The following SLC30A8 variants were observed in gnomAD, a reference collection of about 807,000 sequenced individuals.
The protein encoded by SLC30A8 is solute carrier family 30 member 8.
SLC30A8 carries 27 observed loss-of-function variants against 36.9 expected under a neutral mutation model. The observed-to-expected ratio is 0.73, with a 90% CI of 0.54 to 1.01. The LOEUF is 1.01. Ranked by LOEUF, SLC30A8 falls within the 50% of genes least tolerant of loss-of-function variation. The pLI, the probability that SLC30A8 is intolerant of heterozygous loss-of-function variation, is 0.00. For missense variants in SLC30A8, 439 were observed against 452.0 expected (o/e 0.97, Z 0.26); for synonymous variants, 164 against 172.4 (o/e 0.95, Z 0.38).
upstream of SLC30A8, among the ~76,000 whole-genome samples, chr8:117,133,877 C>T (rs116460128): frequency 0.013 from 1,995 of 152,016 alleles, 43 homozygotes; most frequent in African/African-American, 0.045. Context: ...AAGGCTCCCC[C>T]AGAGCCTCTT....
chr8:116,958,609 G>C (rs1230039959), intron 1 of SLC30A8, among the ~76,000 whole-genome samples: 1 of 151,592 alleles, frequency 6.6e-6, no homozygotes, highest in East Asian at 1.9e-4. Context: ...TTTTATTACT[G>C]GTCTTTAGCA....
upstream of SLC30A8, among the ~76,000 whole-genome samples, chr8:117,132,952 T>A (rs1356545987): frequency 6.6e-6 from 1 of 152,042 alleles, no homozygotes; most frequent in African/African-American, 2.4e-5. Flanking sequence ...CTGGAAGCTT[T>A]GCTTTATGGT....
At chr8:116,977,562 A>T (rs1340333836) in intron 1 of SLC30A8, among the ~76,000 whole-genome samples, 1 of 137,922 alleles carries the variant, frequency 7.3e-6, no homozygotes, top group African/African-American at 2.8e-5. Flanking sequence ...CCCAGGCTGG[A>T]GTGCAGTGGT....
Position 117,163,457 on chromosome 8 carries a change from A to G in SLC30A8, c.756A>G (p.Thr252=), listed in dbSNP as rs756597201. The part of the protein sequence containing the change: ...PEYKIADPIC[T]FIFSILVLAS... ...ATAAAATAGCCGACCCAATCTGCAC[A>G]TTCATCTTTTCCATCCTGGTCTTGG... is the stretch of plus-strand genomic sequence containing the variant. Residue 252 remains threonine (T), a synonymous_variant, in exon 6 of 8, where the codon ACA becomes ACG. Coordinates refer to ENST00000456015, the MANE Select transcript of SLC30A8 (RefSeq NM_173851.3). The G allele has an allele frequency of 1.9e-6, 3 of 1,613,592 alleles. No individual in the cohort carries two copies. The highest frequency in any genetic ancestry group is 2.2e-5 in the East Asian group (1 of 44,816).
rs941575868 is a variant in SLC30A8 at position 117,135,235 on chromosome 8, G to A, written c.-93G>A. On this transcript the variant is annotated 5_prime_UTR_variant, in exon 1 of 8. In the 5' UTR this introduces an upstream ATG that the reference lacks. Coordinates refer to ENST00000456015, the MANE Select transcript of SLC30A8 (RefSeq NM_173851.3). ...AGCCTTTTAATTTTTTCTTTAGAAA[G>A]TGTATAAATAATTGCAGTGCTGCTT... 1.8e-5 allele frequency: 14 copies of A among 765,596 alleles called. No individual in the cohort carries two copies. Among genetic ancestry groups the A allele is most frequent in the East Asian group, 5.6e-5 (2 of 35,728 alleles). 47.4% of individuals were successfully genotyped at this position (765,596 alleles called of 1,614,324 possible).
At chr8:117,061,560 T>C (rs1818025057) in intron 2 of SLC30A8, among the ~76,000 whole-genome samples, 1 of 152,238 alleles carries the variant, frequency 6.6e-6, no homozygotes. Flanking sequence ...AACATGGAAA[T>C]ATTTTTTCCA....
Position 117,171,097 on chromosome 8 carries a change from T to C in SLC30A8, c.893T>C (p.Leu298Pro). 1.2e-6 allele frequency: 2 copies of C among 1,612,518 alleles called. No homozygotes were observed. Among genetic ancestry groups the C allele is most frequent in the Non-Finnish European group, 1.7e-6 (2 of 1,178,824 alleles). ...KELILAVDGV[L>P]SVHSLHIWSL... ...CTTATTTTAGCAGTCGACGGGGTGC[T>C]GTCTGTGCACAGCCTGCACATCTGG... The change falls in exon 7 of 8, where the codon CTG becomes CCG. Residue 298 changes from leucine to proline, a missense_variant. Transcript: ENST00000456015.
At chr8:117,171,402 CA>C (rs1193975228) in intron 7 of SLC30A8, among the ~76,000 whole-genome samples, 1 of 151,774 alleles carries the variant, frequency 6.6e-6, no homozygotes, top group Non-Finnish European at 1.5e-5. Context: ...ACAGACAGAA[CA>C]AAGGACTAAA....
At chr8:117,016,071 G>A (rs1426001824) in intron 1 of SLC30A8, among the ~76,000 whole-genome samples, 1 of 152,166 alleles carries the variant, frequency 6.6e-6, no homozygotes, top group Non-Finnish European at 1.5e-5. Context: ...CCGGGCATAA[G>A]GTTACTTTCA....
At chr8:117,170,369 G>A (rs925581198) in intron 6 of SLC30A8, among the ~76,000 whole-genome samples, 1 of 152,046 alleles carries the variant, frequency 6.6e-6, no homozygotes, top group Non-Finnish European at 1.5e-5. Context: ...GCTAAAAAAG[G>A]GCTGTACTTA....
At chr8:116,998,070 A>G (rs1286061249) in intron 1 of SLC30A8, among the ~76,000 whole-genome samples, 1 of 141,434 alleles carries the variant, frequency 7.1e-6, no homozygotes, top group Admixed American at 6.7e-5. Context: ...GGCTGATTTT[A>G]TTTGACTTAT....
chr8:117,011,068 A>G (rs755400045), intron 1 of SLC30A8, among the ~76,000 whole-genome samples: 1 of 152,150 alleles, frequency 6.6e-6, no homozygotes, highest in Non-Finnish European at 1.5e-5. Flanking sequence ...ATTCTATTCT[A>G]CTACGCTAAA....
intron 1 of SLC30A8, among the ~76,000 whole-genome samples, chr8:116,952,779 A>G (rs929097685): frequency 2.6e-5 from 4 of 152,086 alleles, no homozygotes; most frequent in African/African-American, 7.2e-5. Flanking sequence ...TTTACCTTCT[A>G]GATAATGTGA....
intron 1 of SLC30A8, among the ~76,000 whole-genome samples, chr8:116,968,675 C>T (rs1814682238): frequency 6.6e-6 from 1 of 151,612 alleles, no homozygotes; most frequent in African/African-American, 2.4e-5. Context: ...ATTCCATTCT[C>T]TTATAGGAAA....
chr8:117,106,699 T>C (rs1820010860), intron 2 of SLC30A8, among the ~76,000 whole-genome samples: 1 of 152,174 alleles, frequency 6.6e-6, no homozygotes. Context: ...CATTTGATTT[T>C]CCACCTGGAA....
At chr8:117,022,382 T>G (rs1287126293) in intron 1 of SLC30A8, among the ~76,000 whole-genome samples, 1 of 152,154 alleles carries the variant, frequency 6.6e-6, no homozygotes, top group African/African-American at 2.4e-5. Context: ...GAATTAGGGA[T>G]AATACATGCT....
At chr8:117,164,252 T>C (rs2129694193) in intron 6 of SLC30A8, 1 of 152,370 alleles carries the variant, frequency 6.6e-6, no homozygotes, top group South Asian at 2.1e-4. Flanking sequence ...AGACCCTGTC[T>C]CTTAAAATAA....
In SLC30A8 at chr8:116,972,509, C is replaced by T. The variant is rs541723012; in HGVS notation, c.-266+21390C>T. On this transcript the variant is annotated intron_variant, in intron 1 of 10. Coordinates refer to the SLC30A8 transcript ENST00000427715. ...AAGAAACCAACTCCATGCTTGTTTC[C>T]GATGTAGGTTTTTCACCTTCAGCAG... 1.5e-4 allele frequency among the ~76,000 whole-genome samples: 23 copies of T among 152,226 alleles called. No individual in the cohort carries two copies. The South Asian group carries it at 3.5e-3, about 23-fold the overall frequency.
intron 2 of SLC30A8, among the ~76,000 whole-genome samples, chr8:117,109,623 A>G (rs1014555249): frequency 6.6e-6 from 1 of 152,184 alleles, no homozygotes; most frequent in African/African-American, 2.4e-5. Context: ...TTGTTTGTTC[A>G]CTTGTATTTA....
Sources: allele counts gnomAD v4.1 joint callset (sites outside exome capture counted in the v4.1 genomes callset), GRCh38; gene constraint gnomAD v4.1.1; transcripts MANE v1.5; gene names NCBI Gene and HGNC (gene_info 2026-07-23, HGNC 2026-07-21).